Variants in MYH9 observed in about 807,000 individuals in gnomAD.
The protein encoded by MYH9 is myosin heavy chain 9.
A neutral mutation model predicts 241.9 loss-of-function variants in MYH9; 29 were observed. The ratio of observed to expected loss-of-function variants is 0.12; its 90% CI spans 0.09 to 0.16. The LOEUF is 0.16. Among genes scored for constraint, MYH9 ranks in the 10% least tolerant of loss-of-function variants. The pLI is 1.00. For missense variants in MYH9, 1,803 were observed against 2,595.5 expected (o/e 0.69, Z 6.63); for synonymous variants, 1,047 against 1,062.6 (o/e 0.99, Z 0.29).
At chr22:36,319,823 C>T in intron 9 of MYH9, 188 bp from the exon 10 acceptor site, 1 of 639,238 alleles carries the variant, frequency 1.6e-6, no homozygotes, top group South Asian at 1.6e-5. Flanking sequence ...CCCTAGAGGG[C>T]TCACCCCCTC....
At chr22:36,304,900 C>A in intron 18 of MYH9, 133 bp downstream of exon 18, 3 of 897,416 alleles carry the variant, frequency 3.3e-6, no homozygotes, top group Non-Finnish European at 5.5e-6. Flanking sequence ...CAGAGTCAGA[C>A]GCGGAGCATC....
rs752235725 is a variant in MYH9 at position 36,281,348 on chromosome 22, A to T, written c.*1320T>A. The T allele has an allele frequency of 1.7e-4, 37 of 218,566 alleles. 1 individual carries two copies. The highest frequency in any genetic ancestry group is 5.8e-4 in the African/African-American group (26 of 44,564). The allele number at this position is 218,566 out of a possible 1,614,324, so 13.5% of individuals were successfully genotyped here. A position where few individuals can be genotyped will look rare whatever the true frequency, so the allele number is the denominator to read the frequency against. On this transcript the variant is annotated 3_prime_UTR_variant, in exon 41 of 41. Coordinates refer to ENST00000216181, the MANE Select transcript of MYH9 (RefSeq NM_002473.6). Reference sequence around the variant, plus strand: ...TGTAAACCAGCTTACTGTAGTGGTGACAGCTGCAACACATGCTAAGGCACT... The same window carrying T: ...TGTAAACCAGCTTACTGTAGTGGTGTCAGCTGCAACACATGCTAAGGCACT...
chr22:36,340,562 G>A (rs372646896), intron 3 of MYH9, among the ~76,000 whole-genome samples: 125 of 152,102 alleles, frequency 8.2e-4, no homozygotes, highest in African/African-American at 2.5e-3. Context: ...TAGGGGGGCT[G>A]AGGCAAGAGA....
chr22:36,300,942 A>T lies in MYH9; in HGVS notation c.2747T>A (p.Ile916Asn). The T allele has an allele frequency of 6.2e-7, 1 of 1,610,408 alleles. No individual in the cohort carries two copies. ...LTAKKQELEE[I>N]CHDLEARVEE... The stretch of plus-strand genomic sequence containing the variant: ...CACCCTGGCCTCTAGGTCATGGCAG[A>T]TCTCTTCTAATTCCTGCTTCTTGGC... Residue 916 changes from isoleucine (I) to asparagine (N), a missense_variant, in exon 22 of 41, where the codon ATC (isoleucine) becomes AAC (asparagine). Around this residue, in one of 11 missense-constraint regions of MYH9, gnomAD observed 290 missense variants for 360.5 expected, o/e 0.80. Transcript: ENST00000216181. The surrounding 1 kb of genome is among the most constrained non-coding windows in gnomAD (Gnocchi z 5.0).
intron 14 of MYH9, among the ~76,000 whole-genome samples, 200 bp downstream of exon 14, chr22:36,311,849 G>A (rs1338663193): frequency 6.6e-6 from 1 of 152,188 alleles, no homozygotes; most frequent in African/African-American, 2.4e-5. Flanking sequence ...TAACAGCATG[G>A]AGCAGGTGAA....
chr22:36,308,571 G>A (rs1374371626), intron 15 of MYH9, among the ~76,000 whole-genome samples: 2 of 152,106 alleles, frequency 1.3e-5, no homozygotes, highest in Non-Finnish European at 2.9e-5. Context: ...ATTTGAATGT[G>A]ACGTCTCCAA....
chr22:36,285,606 T>C lies in MYH9; in HGVS notation c.5274+52A>G. ...TGCCGGCTGGGTCCAAGGCCAGCTC[T>C]GCCGTGGTGGCTCCAGCCAGAGCCC... On this transcript the variant is annotated intron_variant, in intron 37 of 40. Transcript: ENST00000216181. The surrounding 1 kb of genome is among the most constrained non-coding windows in gnomAD (Gnocchi z 7.0). 3 of 1,609,156 alleles carry C rather than the reference T, an allele frequency of 1.9e-6. No homozygotes were observed. Among genetic ancestry groups the C allele is most frequent in the Non-Finnish European group, 2.5e-6 (3 of 1,179,734 alleles).
Position 36,293,399 on chromosome 22 carries a change from CGGAA to C in MYH9, c.4021_4024del (p.Phe1341GlyfsTer28). ...CTCCTCCTCCTCCTCCAGCTGCTCC[CGGAA>C]GGAATTCTTCTCGTCCTCCACCTGC... On this transcript the variant is annotated frameshift_variant, in exon 30 of 41. Coordinates refer to ENST00000216181, the MANE Select transcript of MYH9 (RefSeq NM_002473.6). LOFTEE classifies it high-confidence loss of function. This position sits in a 1 kb window ranked among gnomAD's most constrained non-coding sequence, Gnocchi z 5.1. 1 of 1,613,996 alleles carries C rather than the reference CGGAA, an allele frequency of 6.2e-7. No homozygotes were observed. Among genetic ancestry groups the C allele is most frequent in the Non-Finnish European group, 8.5e-7 (1 of 1,180,032 alleles).
In MYH9 at chr22:36,349,158, C is replaced by G. The variant is rs763757101; in HGVS notation, c.79G>C (p.Ala27Pro). ...GGCACCCATACCAGCTTCTTGGCAG[C>G]CCAGTCGGCCTGGGCCAGCGGATTG... ...INNPLAQADW[A>P]AKKLVWVPSD... Residue 27 changes from alanine (A) to proline (P), a missense_variant, in exon 2 of 41, where the codon GCT becomes CCT. Ala to Pro is a conservative substitution (Grantham distance 27). Transcript: ENST00000216181. 3 of 1,614,172 alleles carry G rather than the reference C, an allele frequency of 1.9e-6. No individual in the cohort carries two copies. Among genetic ancestry groups the G allele is most frequent in the Admixed American group, 1.7e-5 (1 of 60,034 alleles).
At chr22:36,331,932 C>T (rs1428443303) in intron 3 of MYH9, among the ~76,000 whole-genome samples, 1 of 152,208 alleles carries the variant, frequency 6.6e-6, no homozygotes, top group African/African-American at 2.4e-5. Context: ...CAAATGGGAC[C>T]AAAACTTTCC....
chr22:36,384,602 AAAAAAAAAAATAT>A (rs2018311886), intron 1 of MYH9, among the ~76,000 whole-genome samples: 1 of 47,272 alleles, frequency 2.1e-5, no homozygotes, highest in Non-Finnish European at 4.2e-5. Context: ...AAAAAAAAAA[AAAAAAAAAAATAT>A]ATATATATAT....
rs555717190 is a variant in MYH9, at chr22:36,305,836, C to G, written c.2159+94G>C. 3 of 1,579,138 alleles carry G rather than the reference C, an allele frequency of 1.9e-6. No homozygotes were observed. Among genetic ancestry groups the G allele is most frequent in the Non-Finnish European group, 1.7e-6 (2 of 1,154,638 alleles). ...ATGGATGGAGGACGTCGCTCCCTCA[C>G]GACAGGATCCTGCCAGGGAGCAGCA... On this transcript the variant is annotated intron_variant, in intron 17 of 40. Transcript: ENST00000216181. This position sits in a 1 kb window ranked among gnomAD's most constrained non-coding sequence, Gnocchi z 4.7.
At position 36,285,083 on chromosome 22, in the gene MYH9, CAG is replaced by C. The variant is rs1167290024; in HGVS notation, c.5483+36_5483+37del. The stretch of plus-strand genomic sequence containing the variant: ...ACTGCAGGGGGGCCAGAGTTTTTTC[CAG>C]GACAGCTGGGGTTGGGCGGGGCCAG... On this transcript the variant is annotated intron_variant, in intron 38 of 40. Transcript: ENST00000216181. This position sits in a 1 kb window ranked among gnomAD's most constrained non-coding sequence, Gnocchi z 7.0. 1.2e-6 allele frequency: 2 copies of C among 1,602,676 alleles called. No homozygotes were observed. Among genetic ancestry groups the C allele is most frequent in the Non-Finnish European group, 1.7e-6 (2 of 1,172,592 alleles).
Position 36,321,988 on chromosome 22 carries a change from C to T in MYH9, c.706-167G>A, listed in dbSNP as rs151315893. On this transcript the variant is annotated intron_variant, in intron 6 of 40. Transcript: ENST00000216181. Reference sequence around the variant, plus strand: ...AGGCCAGGGGCCCCCTACGCCCACACCACACGGGACCTCGGGACTCAGGCG... The same window carrying T: ...AGGCCAGGGGCCCCCTACGCCCACATCACACGGGACCTCGGGACTCAGGCG... 30 of 683,252 alleles carry T rather than the reference C, an allele frequency of 4.4e-5. No individual in the cohort carries two copies. The East Asian group carries it at 7.9e-4, about 18-fold the overall frequency. 42.3% of individuals were successfully genotyped at this position (683,252 alleles called of 1,614,324 possible). A position where few individuals can be genotyped will look rare whatever the true frequency, so the allele number is the denominator to read the frequency against.
In MYH9 at chr22:36,305,809, A is replaced by T; in HGVS notation, c.2159+121T>A. 1.4e-6 allele frequency: 2 copies of T among 1,419,360 alleles called. No individual in the cohort carries two copies. Among genetic ancestry groups the T allele is most frequent in the Non-Finnish European group, 2.0e-6 (2 of 1,014,400 alleles). 87.9% of individuals were successfully genotyped at this position (1,419,360 alleles called of 1,614,324 possible). ...GGAAGAGCTGGCCAGACTCAGTTCTACATGGATGGAGGACGTCGCTCCCTC... is the reference window on the plus strand; with the variant it reads ...GGAAGAGCTGGCCAGACTCAGTTCTTCATGGATGGAGGACGTCGCTCCCTC... On this transcript the variant is annotated intron_variant, in intron 17 of 40. Coordinates refer to ENST00000216181, the MANE Select transcript of MYH9 (RefSeq NM_002473.6). This position sits in a 1 kb window ranked among gnomAD's most constrained non-coding sequence, Gnocchi z 4.7.
chr22:36,289,212 T>C lies in MYH9; in HGVS notation c.4430A>G (p.Lys1477Arg), dbSNP rs2016644004. 1 of 1,613,258 alleles carries C rather than the reference T, an allele frequency of 6.2e-7. No homozygotes were observed. Among genetic ancestry groups the C allele is most frequent in the Admixed American group, 1.7e-5 (1 of 60,014 alleles). The change falls in exon 32 of 41, where the codon AAG becomes AGG. Residue 1477 changes from lysine to arginine, a missense_variant. Lys to Arg is a conservative substitution (Grantham distance 26). Coordinates refer to ENST00000216181, the MANE Select transcript of MYH9 (RefSeq NM_002473.6). ...CAGGGCCCGGGCCAGCGACAGAGCC[T>C]TGGTCTCCTTCTCTCGGGCCTCCGC... Reference protein sequence around the residue: ...AEAEAREKETKALSLARALEE... With the variant: ...AEAEAREKETRALSLARALEE...
intron 31 of MYH9, among the ~76,000 whole-genome samples, chr22:36,291,404 T>C (rs888195983): frequency 1.6e-4 from 25 of 152,050 alleles, no homozygotes; most frequent in Non-Finnish European, 2.8e-4. Flanking sequence ...CTCTGAAACA[T>C]GTGCTGTGTC....
intron 1 of MYH9, 35 bp from the exon 2 acceptor site, chr22:36,349,290 C>G (rs1433364958): frequency 7.3e-6 from 11 of 1,498,884 alleles, no homozygotes; most frequent in Non-Finnish European, 9.2e-6. Context: ...ACATTACATA[C>G]AACTACGTCA....
chr22:36,285,465 A>C lies in MYH9; in HGVS notation c.5275-136T>G, dbSNP rs1399818773. 7.7e-7 allele frequency: 1 copy of C among 1,304,856 alleles called. No homozygotes were observed. The highest frequency in any genetic ancestry group is 1.1e-6 in the Non-Finnish European group (1 of 926,636). 80.8% of individuals were successfully genotyped at this position (1,304,856 alleles called of 1,614,324 possible). A position where few individuals can be genotyped will look rare whatever the true frequency, so the allele number is the denominator to read the frequency against. On this transcript the variant is annotated intron_variant, in intron 37 of 40. Transcript: ENST00000216181. The surrounding 1 kb of genome is among the most constrained non-coding windows in gnomAD (Gnocchi z 7.0). ...AGTCTTGGGTCTCCCAGAAAAGGGA[A>C]GATTAGAAACTTCTGAACACCCAAC...
Sources: allele counts gnomAD v4.1 joint callset (sites outside exome capture counted in the v4.1 genomes callset), GRCh38; gene constraint gnomAD v4.1.1; regional missense constraint gnomAD v4.1.1; non-coding constraint Gnocchi (gnomAD v3.1); transcripts MANE v1.5; gene names NCBI Gene and HGNC (gene_info 2026-07-23, HGNC 2026-07-21).